Variants in FHIP2A observed in about 807,000 individuals in gnomAD.
FHIP2A encodes FHF complex subunit HOOK interacting protein 2A, also known as family with sequence similarity 160 member B1.
Under a neutral mutation model 93.5 loss-of-function variants are expected in FHIP2A, and 46 were observed. The ratio of observed to expected loss-of-function variants is 0.49; its 90% CI spans 0.39 to 0.63. The LOEUF is 0.63. Among genes scored for constraint, FHIP2A ranks in the 20% least tolerant of loss-of-function variants. The pLI is 0.00. For missense variants in FHIP2A, 769 were observed against 909.7 expected (o/e 0.85, Z 1.99); for synonymous variants, 332 against 326.5 (o/e 1.02, Z -0.18).
At chr10:114,868,045 A>C (rs2083839231), downstream of FHIP2A, among the ~76,000 whole-genome samples, 1 of 151,398 alleles carries the variant, frequency 6.6e-6, no homozygotes. Flanking sequence ...ATCCTGCCTC[A>C]GCCTCCTGAG....
rs527514172 is a variant in FHIP2A at position 114,884,365 on chromosome 10, A to G, written c.2193-15125A>G. 3.1e-4 allele frequency among the ~76,000 whole-genome samples: 47 copies of G among 152,362 alleles called. 1 individual carries two copies. The South Asian group carries it at 7.0e-3, about 23-fold the overall frequency. On this transcript the variant is annotated intron_variant, in intron 16 of 16. Coordinates refer to the FHIP2A transcript ENST00000369250. ...AAGAACACAGTGTGGTAAAAATGAA[A>G]GTCACTTTTTGGGGTCAGACAAAAC...
In FHIP2A at chr10:114,841,292, GT is replaced by G. The variant is rs397845509; in HGVS notation, c.523-1623del. 5.8e-3 allele frequency among the ~76,000 whole-genome samples: 731 copies of G among 125,008 alleles called. 4 individuals carry two copies. The highest frequency in any genetic ancestry group is 0.015 in the South Asian group (57 of 3,876). 82.0% of individuals were successfully genotyped at this position (125,008 alleles called of 152,430 possible). ...TCATAAAGAGTATGATATGCCATTG[GT>G]TTTTTTTTTTTTTTTTTGAGGTGGA... On this transcript the variant is annotated intron_variant, in intron 5 of 16. Coordinates refer to ENST00000369248, the MANE Select transcript of FHIP2A (RefSeq NM_020940.4).
In FHIP2A at chr10:114,862,502, C is replaced by T. The variant is rs1361323550; in HGVS notation, c.*962C>T. ...AGTGCCAGTGGCTCCTCGATGTTTA[C>T]ATTTTTTTCTATTTTGTTCAGTCTT... is the stretch of plus-strand genomic sequence containing the variant. On this transcript the variant is annotated 3_prime_UTR_variant, in exon 17 of 17. Transcript: ENST00000369248. 2 of 987,314 alleles carry T rather than the reference C, an allele frequency of 2.0e-6. No individual in the cohort carries two copies. The highest frequency in any genetic ancestry group is 2.4e-6 in the Non-Finnish European group (2 of 830,038). 61.2% of individuals were successfully genotyped at this position (987,314 alleles called of 1,614,324 possible). A position where few individuals can be genotyped will look rare whatever the true frequency, so the allele number is the denominator to read the frequency against.
chr10:114,895,962 C>A (rs1395582386), intron 16 of FHIP2A, among the ~76,000 whole-genome samples: 1 of 152,144 alleles, frequency 6.6e-6, no homozygotes, highest in Non-Finnish European at 1.5e-5. Flanking sequence ...CCCAAATCCA[C>A]CCTTTATTGC....
chr10:114,879,224 C>T (rs1490232041), intron 16 of FHIP2A, among the ~76,000 whole-genome samples: 1 of 152,160 alleles, frequency 6.6e-6, no homozygotes, highest in Non-Finnish European at 1.5e-5. Context: ...CCCAAGACTG[C>T]ATTGTGATCT....
intron 16 of FHIP2A, among the ~76,000 whole-genome samples, chr10:114,894,719 G>A (rs1031938919): frequency 6.6e-6 from 1 of 152,188 alleles, no homozygotes; most frequent in East Asian, 1.9e-4. Flanking sequence ...GACTATCAAT[G>A]CAGCAAGTAA....
intron 16 of FHIP2A, among the ~76,000 whole-genome samples, chr10:114,889,638 A>G (rs1380336968): frequency 2.0e-5 from 3 of 152,174 alleles, no homozygotes; most frequent in African/African-American, 4.8e-5. Context: ...CCCTATCCAC[A>G]TTAACAAGCC....
chr10:114,861,838 T>A lies in FHIP2A; in HGVS notation c.*298T>A, dbSNP rs879050197. ...TTCTAATGACTGTGAAAAGCTGCAA[T>A]ATTTCCAATGTCATGACTTTGATGA... On this transcript the variant is annotated 3_prime_UTR_variant, in exon 17 of 17. Coordinates refer to ENST00000369248, the MANE Select transcript of FHIP2A (RefSeq NM_020940.4). 3.9e-6 allele frequency: 4 copies of A among 1,037,034 alleles called. No homozygotes were observed. The Admixed American group carries it at 2.2e-4, about 56-fold the overall frequency. The allele number at this position is 1,037,034 out of a possible 1,614,324, so 64.2% of individuals were successfully genotyped here. A position where few individuals can be genotyped will look rare whatever the true frequency, so the allele number is the denominator to read the frequency against.
At chr10:114,841,747 A>G (rs1256949206) in intron 5 of FHIP2A, among the ~76,000 whole-genome samples, 1 of 152,214 alleles carries the variant, frequency 6.6e-6, no homozygotes, top group Non-Finnish European at 1.5e-5. Context: ...TATAATTAGT[A>G]TAATATAACT....
At chr10:114,876,224 C>G (rs1479016664) in intron 16 of FHIP2A, among the ~76,000 whole-genome samples, 2 of 152,176 alleles carry the variant, frequency 1.3e-5, no homozygotes, top group Non-Finnish European at 2.9e-5. Flanking sequence ...CAACCCTTTC[C>G]TCAGGGAGAA....
chr10:114,848,785 A>G (rs2083717419), intron 13 of FHIP2A, 48 bp downstream of exon 13: 1 of 1,192,418 alleles, frequency 8.4e-7, no homozygotes, highest in South Asian at 1.2e-5. Context: ...GAATAGACAC[A>G]TGCACACCCC....
chr10:114,870,125 A>G (rs974807377), intron 16 of FHIP2A, among the ~76,000 whole-genome samples: 7 of 152,194 alleles, frequency 4.6e-5, no homozygotes, highest in African/African-American at 1.7e-4. Context: ...ACTCTGATAT[A>G]AGACCATTGT....
In FHIP2A at chr10:114,835,555, C is replaced by G; in HGVS notation, c.313C>G (p.Gln105Glu). The change falls in exon 4 of 17, where the codon CAG (glutamine) becomes GAG (glutamate). Residue 105 changes from glutamine to glutamate, a missense_variant. Physicochemically the swap from Gln to Glu is conservative, Grantham distance 29. Transcript: ENST00000369248. Reference sequence around the variant, plus strand: ...TACCCAGTGTCCTCCGGGAATGAAACAGCAGGTTTTGGTTTTCTATACGAA... The same window carrying G: ...TACCCAGTGTCCTCCGGGAATGAAAGAGCAGGTTTTGGTTTTCTATACGAA... ...GKADCPPGMKQQVLVFYTKLL... is the reference protein window; with the variant it reads ...GKADCPPGMKEQVLVFYTKLL... 1 of 1,612,054 alleles carries G rather than the reference C, an allele frequency of 6.2e-7. No homozygotes were observed. Among genetic ancestry groups the G allele is most frequent in the African/African-American group, 1.3e-5 (1 of 74,976 alleles).
At chr10:114,891,491 AAAT>A (rs1325363499) in intron 16 of FHIP2A, among the ~76,000 whole-genome samples, 1 of 151,882 alleles carries the variant, frequency 6.6e-6, no homozygotes, top group Non-Finnish European at 1.5e-5. Context: ...AATTTAAAGC[AAAT>A]AATAAGATAC....
At position 114,861,178 on chromosome 10, in the gene FHIP2A, G is replaced by A. The variant is rs575948566; in HGVS notation, c.2089-53G>A. On this transcript the variant is annotated intron_variant, in intron 15 of 16. Transcript: ENST00000369248. ...AAGATTTTTCTTTTTAGATCCTGAG[G>A]TTGTCTGTGTAGCTGATTTCAGGAA... The A allele has an allele frequency of 1.3e-5, 21 of 1,596,606 alleles. 1 individual carries two copies. In the Middle Eastern group the frequency reaches 6.8e-4, roughly 51 times the overall value.
intron 3 of FHIP2A, among the ~76,000 whole-genome samples, chr10:114,834,617 G>A (rs1350946475): frequency 3.3e-5 from 5 of 152,166 alleles, no homozygotes; most frequent in African/African-American, 9.7e-5. Context: ...AGTTAACCTT[G>A]TTAATTCATA....
At chr10:114,867,938 A>G (rs922166214), downstream of FHIP2A, among the ~76,000 whole-genome samples, 2 of 133,260 alleles carry the variant, frequency 1.5e-5, no homozygotes, top group Non-Finnish European at 3.2e-5. Flanking sequence ...AGTGTGCTTT[A>G]TAATTTTTTT....
chr10:114,889,089 C>T (rs545063094), intron 16 of FHIP2A, among the ~76,000 whole-genome samples: 2 of 151,938 alleles, frequency 1.3e-5, no homozygotes, highest in Admixed American at 6.6e-5. Context: ...AAGGAGCTCT[C>T]GGAGGTAATT....
Position 114,845,339 on chromosome 10 carries a change from G to A in FHIP2A, c.1014-28G>A, listed in dbSNP as rs915043634. The A allele has an allele frequency of 8.9e-6, 12 of 1,350,212 alleles. No individual in the cohort carries two copies. The African/African-American group carries it at 1.6e-4, about 18-fold the overall frequency. 83.6% of individuals were successfully genotyped at this position (1,350,212 alleles called of 1,614,324 possible). On this transcript the variant is annotated intron_variant, in intron 7 of 16. Coordinates refer to ENST00000369248, the MANE Select transcript of FHIP2A (RefSeq NM_020940.4). ...GGGTCCATGCTTTTGGATAACTTTG[G>A]ACTTAGCAATTCTTCCTTGTCTTAC... is the stretch of plus-strand genomic sequence containing the variant.
Sources: allele counts gnomAD v4.1 joint callset (sites outside exome capture counted in the v4.1 genomes callset), GRCh38; gene constraint gnomAD v4.1.1; transcripts MANE v1.5; gene names NCBI Gene and HGNC (gene_info 2026-07-23, HGNC 2026-07-21).